CFAP54: variants seen among roughly 807,000 people sequenced by gnomAD.
CFAP54 encodes cilia and flagella associated protein 54.
A neutral mutation model predicts 370.4 loss-of-function variants in CFAP54; 290 were observed. The ratio of observed to expected loss-of-function variants is 0.78; its 90% CI spans 0.71 to 0.86. The LOEUF is 0.86. Ranked by LOEUF, CFAP54 falls within the 40% of genes least tolerant of loss-of-function variation. CFAP54 has a pLI of 0.00. For missense variants in CFAP54, 3,399 were observed against 3,528.7 expected, an observed-to-expected ratio of 0.96 and a Z score of 0.93; for synonymous variants, 1,206 against 1,236.5, an observed-to-expected ratio of 0.98 and a Z score of 0.52.
intron 63 of CFAP54, among the ~76,000 whole-genome samples, chr12:96,811,185 G>A (rs1052032085): frequency 6.6e-6 from 1 of 152,138 alleles, no homozygotes; most frequent in East Asian, 1.9e-4. Context: ...CTAAGTAGGT[G>A]CTATAACTTA....
chr12:96,762,782 CT>C (rs1383414033), intron 58 of CFAP54, among the ~76,000 whole-genome samples: 1 of 147,956 alleles, frequency 6.8e-6, no homozygotes, highest in Non-Finnish European at 1.5e-5. Flanking sequence ...TTTTTTTTTT[CT>C]TTTTTTTATC....
At chr12:96,563,277 C>T (rs1406040794) in intron 17 of CFAP54, among the ~76,000 whole-genome samples, 1 of 152,072 alleles carries the variant, frequency 6.6e-6, no homozygotes, top group Non-Finnish European at 1.5e-5. Flanking sequence ...CTCTGGGTTT[C>T]CTTGAATTTT....
At chr12:96,532,517 A>G (rs1390398881) in intron 9 of CFAP54, among the ~76,000 whole-genome samples, 1 of 152,184 alleles carries the variant, frequency 6.6e-6, no homozygotes, top group Non-Finnish European at 1.5e-5. Context: ...ACCCTCATGC[A>G]TATTGATCCT....
At chr12:96,869,291 G>A (rs1293251870) in intron 67 of CFAP54, among the ~76,000 whole-genome samples, 1 of 152,044 alleles carries the variant, frequency 6.6e-6, no homozygotes, top group Non-Finnish European at 1.5e-5. Context: ...TATATTTTGG[G>A]TTGTATGGAA....
At chr12:96,803,699 C>G (rs1394494337) in intron 63 of CFAP54, among the ~76,000 whole-genome samples, 1 of 152,120 alleles carries the variant, frequency 6.6e-6, no homozygotes, top group Non-Finnish European at 1.5e-5. Flanking sequence ...CCAAAATAGC[C>G]TACTCAACCA....
chr12:96,676,017 C>G (rs7956528), intron 39 of CFAP54, among the ~76,000 whole-genome samples: 1 of 151,494 alleles, frequency 6.6e-6, no homozygotes, highest in East Asian at 2.0e-4. Context: ...CAGCACACCA[C>G]CATGGCACAT....
intron 65 of CFAP54, among the ~76,000 whole-genome samples, chr12:96,828,025 TTAATATA>T (rs1272349011): frequency 3.2e-5 from 4 of 125,212 alleles, no homozygotes; most frequent in African/African-American, 9.1e-5. Flanking sequence ...ATAATACGTA[TTAATATA>T]TAATATATAA....
At position 96,534,150 on chromosome 12, in the gene CFAP54, A is replaced by G. The variant is rs2136380954; in HGVS notation, c.1628A>G (p.Lys543Arg). The change falls in exon 11 of 68, where the codon AAA (lysine) becomes AGA (arginine). Residue 543 changes from lysine (K) to arginine (R), a missense_variant. Physicochemically the swap from Lys to Arg is conservative, Grantham distance 26. Coordinates refer to ENST00000524981, the MANE Select transcript of CFAP54 (RefSeq NM_001306084.2). ...CCACTAATCAACGTGAAGAGAAACA[A>G]AGGTTTGATCTTTCCTTTGGAAAAC... Reference protein sequence around the residue: ...MEPLINVKRNKGLIFPLENYK... With the variant: ...MEPLINVKRNRGLIFPLENYK... The G allele has an allele frequency of 2.6e-6, 4 of 1,529,186 alleles. No individual in the cohort carries two copies. The East Asian group carries it at 9.8e-5, about 37-fold the overall frequency. The allele number at this position is 1,529,186 out of a possible 1,614,324, so 94.7% of individuals were successfully genotyped here.
chr12:96,624,845 G>T, intron 28 of CFAP54, among the ~76,000 whole-genome samples: 1 of 152,006 alleles, frequency 6.6e-6, no homozygotes, highest in East Asian at 1.9e-4. Flanking sequence ...TTTATGAATT[G>T]AACTAAGAAT....
In CFAP54 at chr12:96,756,506, A is replaced by G. The variant is rs1958259300; in HGVS notation, c.7889A>G (p.Gln2630Arg). The change falls in exon 57 of 68, where the codon CAA becomes CGA. Residue 2630 changes from glutamine (Q) to arginine (R), a missense_variant. By Grantham distance (43) the Gln-to-Arg change is conservative. Coordinates refer to ENST00000524981, the MANE Select transcript of CFAP54 (RefSeq NM_001306084.2). ...ILMEEKSPSF[Q>R]LESLYEAIQL... The stretch of plus-strand genomic sequence containing the variant: ...ATGGAAGAGAAATCTCCAAGTTTTC[A>G]ACTTGAGAGTTTATATGAAGCTATA... The G allele has an allele frequency of 6.2e-7, 1 of 1,604,458 alleles. No homozygotes were observed. The highest frequency in any genetic ancestry group is 1.8e-5 in the Admixed American group (1 of 56,542).
chr12:96,841,054 A>G (rs34442), intron 66 of CFAP54, among the ~76,000 whole-genome samples: 150,371 of 152,368 alleles, frequency 0.99, 74,200 homozygotes, highest in East Asian at 1. Context: ...AAGGAACCTG[A>G]AGCCTTTGTG....
chr12:96,630,732 C>CA (rs1349404745), intron 32 of CFAP54, 81 bp downstream of exon 32: 5 of 771,112 alleles, frequency 6.5e-6, no homozygotes, highest in Non-Finnish European at 9.4e-6. Flanking sequence ...ACTAGGGATA[C>CA]ACTGGTGGAC....
chr12:96,872,114 A>G (rs1177322688), intron 67 of CFAP54, among the ~76,000 whole-genome samples: 1 of 152,124 alleles, frequency 6.6e-6, no homozygotes, highest in Non-Finnish European at 1.5e-5. Context: ...TAAAAAGAAA[A>G]CCACACCCAA....
At chr12:96,856,034 G>T (rs1270577294) in intron 66 of CFAP54, among the ~76,000 whole-genome samples, 1 of 152,164 alleles carries the variant, frequency 6.6e-6, no homozygotes, top group Non-Finnish European at 1.5e-5. Context: ...GCACCCACAG[G>T]CTCAACACCA....
At chr12:96,634,264 C>T (rs957802915) in intron 32 of CFAP54, among the ~76,000 whole-genome samples, 4 of 151,694 alleles carry the variant, frequency 2.6e-5, no homozygotes, top group Admixed American at 1.3e-4. Flanking sequence ...CTATGTTGGT[C>T]AGGCTGGTCT....
chr12:96,664,719 ATATATC>A (rs1407634745), intron 39 of CFAP54, among the ~76,000 whole-genome samples: 8 of 7,314 alleles, frequency 1.1e-3, no homozygotes, highest in South Asian at 4.2e-3. Flanking sequence ...ATATATCTAT[ATATATC>A]TATATATATA....
At chr12:96,871,475 C>T (rs888327048) in intron 67 of CFAP54, among the ~76,000 whole-genome samples, 12 of 152,070 alleles carry the variant, frequency 7.9e-5, no homozygotes, top group South Asian at 4.1e-4. Context: ...CAAAACTCAA[C>T]GACGTTGCCC....
chr12:96,807,589 A>C (rs984243634), intron 63 of CFAP54, among the ~76,000 whole-genome samples: 1 of 152,204 alleles, frequency 6.6e-6, no homozygotes, highest in Admixed American at 6.5e-5. Flanking sequence ...GAGCATTGAA[A>C]GTTCCATCAT....
In CFAP54 at chr12:96,630,580, TAAA is replaced by T; in HGVS notation, c.4251_4253del (p.Lys1418del). Reference sequence around the variant, plus strand: ...CAGAAATGCAACAAAGAATAAGAAGTAAAAAAAAGGAAACTCTAAGAGATTTCA... The same window carrying T: ...CAGAAATGCAACAAAGAATAAGAAGTAAAAAGGAAACTCTAAGAGATTTCA... On this transcript the variant is annotated inframe_deletion, in exon 32 of 68. Coordinates refer to ENST00000524981, the MANE Select transcript of CFAP54 (RefSeq NM_001306084.2). 2.7e-6 allele frequency: 4 copies of T among 1,487,736 alleles called. No individual in the cohort carries two copies. The South Asian group carries it at 5.3e-5, about 20-fold the overall frequency. 92.2% of individuals were successfully genotyped at this position (1,487,736 alleles called of 1,614,324 possible).
Sources: gnomAD v4.1 joint callset for allele counts (sites outside exome capture counted in the v4.1 genomes callset) on GRCh38, gnomAD v4.1.1 for gene constraint, MANE v1.5 for transcripts, NCBI Gene and HGNC (gene_info 2026-07-23, HGNC 2026-07-21) for gene names.